Variants in PAXIP1 observed in about 807,000 individuals in gnomAD.
PAXIP1 encodes PAX interacting protein 1, also known as PAX-interacting protein 1.
PAXIP1 carries 19 observed loss-of-function variants against 140.6 expected under a neutral mutation model. That is an observed-to-expected ratio of 0.14 (90% CI 0.09 to 0.20). The LOEUF (loss-of-function observed/expected upper bound fraction) is 0.20. Ranked by LOEUF, PAXIP1 falls within the 10% of genes least tolerant of loss-of-function variation. The pLI is 1.00. For synonymous variants in PAXIP1, 442 were observed against 444.6 expected (o/e 0.99, Z 0.07); for missense variants, 920 against 1,208.6 (o/e 0.76, Z 3.54).
rs1158310175 is a variant in PAXIP1, at chr7:154,973,397, C to T, written c.1074+2299G>A. On this transcript the variant is annotated intron_variant, in intron 6 of 20. Coordinates refer to ENST00000404141, the MANE Select transcript of PAXIP1 (RefSeq NM_007349.4). This position sits in a 1 kb window ranked among gnomAD's most constrained non-coding sequence, Gnocchi z 4.0. ...AAGGCCAGCTCGGCATTTTATCAGG[C>T]ATCCACCTCTCAAGCCAGAAACCCA... Among the ~76,000 whole-genome samples, 1 of 152,214 alleles carries T rather than the reference C, an allele frequency of 6.6e-6. No individual in the cohort carries two copies. Among genetic ancestry groups the T allele is most frequent in the Admixed American group, 6.5e-5 (1 of 15,286 alleles).
intron 16 of PAXIP1, chr7:154,950,024 G>A (rs1303089593): frequency 2.6e-5 from 4 of 152,166 alleles, no homozygotes; most frequent in African/African-American, 9.7e-5. Context: ...CTTAGTAGTA[G>A]CAATGTAAAG....
At chr7:154,947,626 T>A (rs1808053760) in intron 17 of PAXIP1, 2 of 327,282 alleles carry the variant, frequency 6.1e-6, no homozygotes, top group African/African-American at 2.1e-5. Context: ...AAAAACCTAT[T>A]CTTTGAATAA....
intron 4 of PAXIP1, among the ~76,000 whole-genome samples, chr7:154,990,036 T>C (rs1810252668): frequency 7.0e-6 from 1 of 141,850 alleles, no homozygotes; most frequent in African/African-American, 2.6e-5. Flanking sequence ...GATAAGTTTC[T>C]CTTTTTTTTT....
In PAXIP1 at chr7:154,976,147, G is replaced by A; in HGVS notation, c.623C>T (p.Ser208Phe). The A allele has an allele frequency of 6.3e-7, 1 of 1,580,054 alleles. No individual in the cohort carries two copies. The highest frequency in any genetic ancestry group is 8.6e-7 in the Non-Finnish European group (1 of 1,161,280). The change falls in exon 6 of 21, where the codon TCT becomes TTT. Residue 208 changes from serine to phenylalanine, a missense_variant. By Grantham distance (155) the Ser-to-Phe change is radical. Transcript: ENST00000404141. ...EEEVENEEQD[S>F]QNEGSTDEKS... The stretch of plus-strand genomic sequence containing the variant: ...CTCATCTGTACTACCCTCATTCTGA[G>A]AATCTTGTTCCTCATTTTCTACTTC...
At chr7:154,959,853 C>T (rs1480681233) in intron 13 of PAXIP1, 37 bp downstream of exon 13, 2 of 1,381,514 alleles carry the variant, frequency 1.4e-6, no homozygotes, top group East Asian at 4.6e-5. Flanking sequence ...CTTAATAATA[C>T]AGTAATAGCC....
At chr7:154,961,820 G>A (rs1808766449) in intron 10 of PAXIP1, among the ~76,000 whole-genome samples, 172 bp from the exon 11 acceptor site, 1 of 152,144 alleles carries the variant, frequency 6.6e-6, no homozygotes, top group Non-Finnish European at 1.5e-5. Flanking sequence ...TGTATTAATG[G>A]TCAAAAGGTT....
At chr7:154,974,127 C>T (rs533969825) in intron 6 of PAXIP1, 1 of 152,448 alleles carries the variant, frequency 6.6e-6, no homozygotes, top group Admixed American at 6.5e-5. Context: ...CCCAACACAT[C>T]TGAAAAGAAA....
At chr7:154,957,892 G>A (rs1388222891) in intron 13 of PAXIP1, among the ~76,000 whole-genome samples, 7 of 150,574 alleles carry the variant, frequency 4.6e-5, no homozygotes, top group Non-Finnish European at 1.0e-4. Flanking sequence ...GCGTGAACCC[G>A]GGAAGCGGAG....
chr7:154,958,339 C>T (rs1462667845), intron 13 of PAXIP1, among the ~76,000 whole-genome samples: 3 of 152,234 alleles, frequency 2.0e-5, no homozygotes, highest in African/African-American at 7.2e-5. Context: ...GGTTCTTTGA[C>T]TTGTGTGGGC....
chr7:154,964,887 C>T (rs1330816089), intron 8 of PAXIP1: 3 of 152,224 alleles, frequency 2.0e-5, no homozygotes, highest in Non-Finnish European at 4.4e-5. Flanking sequence ...TCCCAGCCCC[C>T]CAGAATTTTC....
intron 1 of PAXIP1, 40 bp downstream of exon 1, chr7:155,002,803 GGGACGC>G: frequency 8.8e-7 from 1 of 1,137,204 alleles, no homozygotes; most frequent in Non-Finnish European, 1.2e-6. Context: ...GGGACGGACG[GGGACGC>G]GGACGGGGGA....
intron 5 of PAXIP1, among the ~76,000 whole-genome samples, chr7:154,979,139 G>A (rs1809729857): frequency 6.6e-6 from 1 of 152,146 alleles, no homozygotes; most frequent in Non-Finnish European, 1.5e-5. Flanking sequence ...CAATTTATCA[G>A]CTAAATTATT....
chr7:154,981,714 T>C (rs1412866622), intron 5 of PAXIP1, among the ~76,000 whole-genome samples: 2 of 152,188 alleles, frequency 1.3e-5, no homozygotes, highest in African/African-American at 4.8e-5. Flanking sequence ...TGCCTCTTTG[T>C]TGGGATAAAT....
At chr7:155,002,412 G>A (rs1810954862) in intron 1 of PAXIP1, among the ~76,000 whole-genome samples, 1 of 152,098 alleles carries the variant, frequency 6.6e-6, no homozygotes, top group Non-Finnish European at 1.5e-5. Flanking sequence ...GGGTCCCCGC[G>A]CGAGCTGCCC....
chr7:154,983,558 G>A (rs1809941243), intron 4 of PAXIP1: 1 of 336,294 alleles, frequency 3.0e-6, no homozygotes, highest in African/African-American at 2.2e-5. Flanking sequence ...TTTTTGCCTT[G>A]TCACCAAATG....
chr7:154,961,758 C>T, intron 10 of PAXIP1, 110 bp from the exon 11 acceptor site: 1 of 912,184 alleles, frequency 1.1e-6, no homozygotes, highest in South Asian at 1.8e-5. Flanking sequence ...ATTTCTTTGG[C>T]ATTATGGAAC....
chr7:154,976,307 G>A lies in PAXIP1; in HGVS notation c.463C>T (p.Arg155Ter), dbSNP rs910817563. 6.3e-7 allele frequency: 1 copy of A among 1,594,338 alleles called. No individual in the cohort carries two copies. Among genetic ancestry groups the A allele is most frequent in the African/African-American group, 1.4e-5 (1 of 74,006 alleles). Reference sequence around the variant, plus strand: ...GGAGTCACAATTTTAATACTTGCTCGCTTTAAAGCACATTCGTATTTCTCC... The same window carrying A: ...GGAGTCACAATTTTAATACTTGCTCACTTTAAAGCACATTCGTATTTCTCC... Reference protein sequence around the residue: ...KGEKYECALKRASIKIVTPDW... With the variant: ...KGEKYECALK The change falls in exon 6 of 21, where the codon CGA becomes TGA. Residue 155 changes from arginine (R) to a stop codon, truncating the protein, a stop_gained. Coordinates refer to ENST00000404141, the MANE Select transcript of PAXIP1 (RefSeq NM_007349.4). LOFTEE classifies it high-confidence loss of function.
chr7:154,955,603 T>G lies in PAXIP1; in HGVS notation c.2578A>C (p.Lys860Gln). 2 of 1,597,050 alleles carry G rather than the reference T, an allele frequency of 1.3e-6. No homozygotes were observed. Among genetic ancestry groups the G allele is most frequent in the Non-Finnish European group, 1.7e-6 (2 of 1,173,538 alleles). Reference sequence around the variant, plus strand: ...AAAGGGGTCAATTCTGGAGTTAGCTTTTTAGTGGGAGGTGGTACGTCTTCA... The same window carrying G: ...AAAGGGGTCAATTCTGGAGTTAGCTGTTTAGTGGGAGGTGGTACGTCTTCA... Reference protein sequence around the residue: ...RIEDVPPPTKKLTPELTPFVL... With the variant: ...RIEDVPPPTKQLTPELTPFVL... Residue 860 changes from lysine to glutamine, a missense_variant, in exon 15 of 21, where the codon AAG becomes CAG. By Grantham distance (53) the Lys-to-Gln change is moderately conservative. Coordinates refer to ENST00000404141, the MANE Select transcript of PAXIP1 (RefSeq NM_007349.4).
chr7:154,980,197 A>C (rs1809776306), intron 5 of PAXIP1, among the ~76,000 whole-genome samples: 2 of 152,204 alleles, frequency 1.3e-5, no homozygotes, highest in South Asian at 2.1e-4. Flanking sequence ...AAATAAAAAT[A>C]AAAATAAAAG....
Sources: gnomAD v4.1 joint callset for allele counts (sites outside exome capture counted in the v4.1 genomes callset) on GRCh38, gnomAD v4.1.1 for gene constraint, Gnocchi (gnomAD v3.1) non-coding constraint, MANE v1.5 for transcripts, NCBI Gene and HGNC (gene_info 2026-07-23, HGNC 2026-07-21) for gene names.